The following KLC3 variants were observed in gnomAD, a reference collection of about 807,000 sequenced individuals.
KLC3 encodes kinesin light chain 2.
In KLC3, 72 loss-of-function variants were observed where a neutral mutation model predicts 62.9. That is an observed-to-expected ratio of 1.15 (90% CI 0.95 to 1.39). KLC3 has a LOEUF of 1.39. KLC3 is among the 40% of genes most tolerant of loss of function. KLC3 has a pLI of 0.00. For synonymous variants in KLC3, 377 were observed against 300.5 expected (o/e 1.25, Z -2.63); for missense variants, 848 against 691.6 (o/e 1.23, Z -2.54).
At chr19:45,351,152 G>A (rs904066218) in intron 12 of KLC3, 134 bp from the exon 13 acceptor site, 2 of 1,593,058 alleles carry the variant, frequency 1.3e-6, no homozygotes, top group Non-Finnish European at 8.6e-7. Flanking sequence ...CAGGACAGGA[G>A]CAAAGATGGG....
At chr19:45,347,816 C>T (rs751200984) in intron 4 of KLC3, 125 bp from the exon 5 acceptor site, 12 of 785,392 alleles carry the variant, frequency 1.5e-5, no homozygotes, top group South Asian at 6.9e-5. Context: ...CAGAAGTTAG[C>T]GTGGGGGCCC....
intron 3 of KLC3, 136 bp from the exon 4 acceptor site, chr19:45,347,311 C>T: frequency 3.1e-6 from 2 of 645,560 alleles, no homozygotes; most frequent in Non-Finnish European, 5.4e-6. Flanking sequence ...CATTGCACTC[C>T]AGCCTGTGCA....
At chr19:45,350,077 C>T (rs1466731284) in intron 8 of KLC3, 1 of 503,740 alleles carries the variant, frequency 2.0e-6, no homozygotes, top group African/African-American at 1.9e-5. Context: ...CAAACCCACT[C>T]TGCCCCAGGG....
chr19:45,341,578 T>TGTGTGTGTGTGTGTGTGTGTGTGCGC, intron 1 of KLC3, among the ~76,000 whole-genome samples: 10 of 139,898 alleles, frequency 7.1e-5, no homozygotes, highest in African/African-American at 2.4e-4. Context: ...TGTGTGTGTG[T>TGTGTGTGTGTGTGTGTGTGTGTGCGC]GCGCGCGCGC....
intron 8 of KLC3, 143 bp downstream of exon 8, chr19:45,349,745 GAGCTGGCTCAGCACAGA>G (rs1971624780): frequency 1.3e-6 from 1 of 773,526 alleles, no homozygotes; most frequent in East Asian, 2.8e-5. Flanking sequence ...TCAGACACAG[GAGCTGGCTCAGCACAGA>G]ACACGGAATC....
intron 8 of KLC3, chr19:45,350,042 C>CA (rs976121115): frequency 2.2e-6 from 1 of 462,826 alleles, no homozygotes; most frequent in African/African-American, 2.0e-5. Context: ...CCTCCATCCC[C>CA]AGGGCAGGAA....
At position 45,340,779 on chromosome 19, in the gene KLC3, C is replaced by A. The variant is rs1259185977; in HGVS notation, c.-76C>A. ...GCCCGGCGCAGCGGGAGCGGCGGGGCGTGCCTGGCCTGCGGGACGCGACTG... is the reference window on the plus strand; with the variant it reads ...GCCCGGCGCAGCGGGAGCGGCGGGGAGTGCCTGGCCTGCGGGACGCGACTG... On this transcript the variant is annotated 5_prime_UTR_variant, in exon 1 of 13. Transcript: ENST00000391946. 6.6e-6 allele frequency: 1 copy of A among 151,968 alleles called. No homozygotes were observed. Among genetic ancestry groups the A allele is most frequent in the Non-Finnish European group, 1.5e-5 (1 of 67,934 alleles). 9.4% of individuals were successfully genotyped at this position (151,968 alleles called of 1,614,324 possible). A position where few individuals can be genotyped will look rare whatever the true frequency, so the allele number is the denominator to read the frequency against.
Position 45,349,324 on chromosome 19 carries a change from T to C in KLC3, c.970-105T>C, listed in dbSNP as rs193121019. 628 of 1,197,882 alleles carry C rather than the reference T, an allele frequency of 5.2e-4. 8 individuals carry two copies. The East Asian group carries it at 0.011, about 20-fold the overall frequency. 74.2% of individuals were successfully genotyped at this position (1,197,882 alleles called of 1,614,324 possible). A position where few individuals can be genotyped will look rare whatever the true frequency, so the allele number is the denominator to read the frequency against. On this transcript the variant is annotated intron_variant, in intron 7 of 12. Transcript: ENST00000391946. ...GCCCCCAACCTCTCAGGTCACTCTC[T>C]GCTTTGACCCTGTAATCCCCAACTC...
At position 45,349,610 on chromosome 19, in the gene KLC3, C is replaced by T. The variant is rs1971611230; in HGVS notation, c.1143+8C>T. The T allele has an allele frequency of 3.1e-6, 5 of 1,595,720 alleles. No individual in the cohort carries two copies. Among genetic ancestry groups the T allele is most frequent in the Non-Finnish European group, 4.3e-6 (5 of 1,168,778 alleles). ...AAGACCAAGAACAACCTGGTGAGGC[C>T]CCTGGGGCTCAGAGTGGGCCAAGAG... is the stretch of plus-strand genomic sequence containing the variant. On this transcript the variant is annotated splice_region_variant and intron_variant, in intron 8 of 12. Coordinates refer to ENST00000391946, the MANE Select transcript of KLC3 (RefSeq NM_177417.3).
intron 1 of KLC3, among the ~76,000 whole-genome samples, chr19:45,344,313 A>G (rs1329822717): frequency 6.6e-6 from 1 of 150,618 alleles, no homozygotes; most frequent in African/African-American, 2.4e-5. Flanking sequence ...TCCCGGGTTC[A>G]AGCAATTCTC....
chr19:45,347,787 A>G (rs948789187), intron 4 of KLC3, among the ~76,000 whole-genome samples, 154 bp from the exon 5 acceptor site: 1 of 152,146 alleles, frequency 6.6e-6, no homozygotes, highest in African/African-American at 2.4e-5. Flanking sequence ...AGCTGGTTAG[A>G]TGCTAGTGAC....
chr19:45,345,676 T>TGGGCACCTGGCGG lies in KLC3; in HGVS notation c.136_148dup (p.Glu50GlyfsTer121). On this transcript the variant is annotated frameshift_variant, in exon 2 of 13. Transcript: ENST00000391946. LOFTEE classifies it high-confidence loss of function. ...TGCGGGCAGAGCACCATGGCCTGGC[T>TGGGCACCTGGCGG]GGGCACCTGGCGGAGGCCCTGGCGG... 6.3e-7 allele frequency: 1 copy of TGGGCACCTGGCGG among 1,578,414 alleles called. No homozygotes were observed. The highest frequency in any genetic ancestry group is 8.6e-7 in the Non-Finnish European group (1 of 1,163,468).
chr19:45,342,997 G>A (rs561127839), intron 1 of KLC3, among the ~76,000 whole-genome samples: 7 of 152,286 alleles, frequency 4.6e-5, no homozygotes, highest in African/African-American at 1.4e-4. Flanking sequence ...ATCCCTCCAC[G>A]CGTATTCACA....
chr19:45,345,282 A>G, intron 1 of KLC3: 1 of 599,806 alleles, frequency 1.7e-6, no homozygotes, highest in South Asian at 2.0e-5. Context: ...AACTGTCCTC[A>G]GGGCAGAACC....
chr19:45,346,372 GC>G (rs1481904330), intron 2 of KLC3, among the ~76,000 whole-genome samples, 171 bp from the exon 3 acceptor site: 1 of 152,128 alleles, frequency 6.6e-6, no homozygotes, highest in Non-Finnish European at 1.5e-5. Context: ...AATCAGAGGG[GC>G]CCCTGGGAGC....
chr19:45,345,355 G>A, intron 1 of KLC3, 179 bp from the exon 2 acceptor site: 2 of 749,954 alleles, frequency 2.7e-6, no homozygotes, highest in South Asian at 1.7e-5. Context: ...GCTGGGATGG[G>A]TGTGGAGACT....
At chr19:45,344,649 G>A (rs1204695202) in intron 1 of KLC3, among the ~76,000 whole-genome samples, 1 of 152,142 alleles carries the variant, frequency 6.6e-6, no homozygotes, top group Non-Finnish European at 1.5e-5. Context: ...TGAGGAGTGT[G>A]TTTGTGTGTA....
chr19:45,348,874 C>T lies in KLC3; in HGVS notation c.922C>T (p.Arg308Trp), dbSNP rs199706544. 300 of 1,587,898 alleles carry T rather than the reference C, an allele frequency of 1.9e-4. No homozygotes were observed. The highest frequency in any genetic ancestry group is 7.2e-4 in the Admixed American group (40 of 55,514). Residue 308 changes from arginine to tryptophan, a missense_variant, in exon 7 of 13, where the codon CGG becomes TGG. Coordinates refer to ENST00000391946, the MANE Select transcript of KLC3 (RefSeq NM_177417.3). ...CCTCTATGGGAAGCGTGGGCGTTACCGGGAGGCAGAGCCCCTGTGCCAGCG... is the reference window on the plus strand; with the variant it reads ...CCTCTATGGGAAGCGTGGGCGTTACTGGGAGGCAGAGCCCCTGTGCCAGCG... Reference protein sequence around the residue: ...AVLYGKRGRYREAEPLCQRAL... With the variant: ...AVLYGKRGRYWEAEPLCQRAL...
chr19:45,351,448 C>A lies in KLC3; in HGVS notation c.*91C>A, dbSNP rs1048488855. 57 of 1,582,348 alleles carry A rather than the reference C, an allele frequency of 3.6e-5. 1 individual carries two copies. Among genetic ancestry groups the A allele is most frequent in the South Asian group, 5.6e-5 (5 of 89,108 alleles). On this transcript the variant is annotated 3_prime_UTR_variant, in exon 13 of 13. Transcript: ENST00000391946. ...GAGAGGGGGTCTATCATCTCCTGGC[C>A]CCCCCTTGCCTCTGGGTACCTGGTG...
Sources: allele counts gnomAD v4.1 joint callset (sites outside exome capture counted in the v4.1 genomes callset), GRCh38; gene constraint gnomAD v4.1.1; transcripts MANE v1.5; gene names NCBI Gene and HGNC (gene_info 2026-07-23, HGNC 2026-07-21).